MYH8: variants seen among roughly 807,000 people sequenced by gnomAD.
MYH8 encodes myosin-8.
MYH8 carries 168 observed loss-of-function variants against 233.2 expected under a neutral mutation model. That is an observed-to-expected ratio of 0.72 (90% CI 0.64 to 0.82). The LOEUF is 0.82. Ranked by LOEUF, MYH8 falls within the 40% of genes least tolerant of loss-of-function variation. The pLI, the probability that MYH8 is intolerant of heterozygous loss-of-function variation, is 0.00. For missense variants in MYH8, 1,995 were observed against 2,327.8 expected, an observed-to-expected ratio of 0.86 and a Z score of 2.94; for synonymous variants, 785 against 850.6, an observed-to-expected ratio of 0.92 and a Z score of 1.34.
intron 22 of MYH8, among the ~76,000 whole-genome samples, chr17:10,402,047 G>T (rs1459287584): frequency 6.6e-6 from 1 of 152,092 alleles, no homozygotes; most frequent in East Asian, 1.9e-4. Context: ...GTAGAAGAGT[G>T]GAAAGACCTC....
At position 10,395,118 on chromosome 17, in the gene MYH8, T is replaced by C; in HGVS notation, c.4962+15A>G. 1.2e-6 allele frequency: 2 copies of C among 1,612,594 alleles called. No individual in the cohort carries two copies. Among genetic ancestry groups the C allele is most frequent in the Non-Finnish European group, 1.7e-6 (2 of 1,179,968 alleles). On this transcript the variant is annotated intron_variant, in intron 34 of 39. Transcript: ENST00000403437. ...TTCCCTGCTTCATCTGGGAGGCGAA[T>C]GTGGACCCGTTTACCTTCAGGATTC...
At chr17:10,408,578 T>G (rs187248784) in intron 17 of MYH8, among the ~76,000 whole-genome samples, 127 of 152,340 alleles carry the variant, frequency 8.3e-4, no homozygotes, top group Non-Finnish European at 1.5e-3. Context: ...ATTATTATTC[T>G]TTAATCTCAA....
At chr17:10,401,879 C>G (rs1321554317) in intron 22 of MYH8, 94 bp from the exon 23 acceptor site, 1 of 1,514,738 alleles carries the variant, frequency 6.6e-7, no homozygotes, top group African/African-American at 1.4e-5. Context: ...TTATTGAATT[C>G]TGTTGAATTT....
At position 10,409,302 on chromosome 17, in the gene MYH8, G is replaced by T. The variant is rs541931160; in HGVS notation, c.1874C>A (p.Ser625Tyr). Reference protein sequence around the residue: ...SAMKTLASLFSTYASAEADSS... With the variant: ...SAMKTLASLFYTYASAEADSS... The stretch of plus-strand genomic sequence containing the variant: ...ACCTGCTTCAGCACTAGCATACGTG[G>T]AAAAGAGACTGGCTAGAGTCTTCAT... Residue 625 changes from serine (S) to tyrosine (Y), a missense_variant, in exon 16 of 40, where the codon TCC becomes TAC. By Grantham distance (144) the Ser-to-Tyr change is moderately radical (BLOSUM62 -2). This residue lies in a region of MYH8 where 1,498 missense variants were observed against 1,680.9 expected (regional missense o/e 0.89). Transcript: ENST00000403437. 6.2e-7 allele frequency: 1 copy of T among 1,614,116 alleles called. No homozygotes were observed. Among genetic ancestry groups the T allele is most frequent in the African/African-American group, 1.3e-5 (1 of 74,938 alleles).
intron 21 of MYH8, 73 bp downstream of exon 21, chr17:10,405,968 A>G: frequency 1.3e-6 from 2 of 1,568,542 alleles, no homozygotes; most frequent in Non-Finnish European, 1.7e-6. Flanking sequence ...AAATGAAAGA[A>G]TTAATGAATG....
intron 19 of MYH8, 104 bp downstream of exon 19, chr17:10,406,586 C>T (rs2072195939): frequency 2.2e-6 from 3 of 1,342,396 alleles, no homozygotes; most frequent in Non-Finnish European, 3.2e-6. Context: ...ATCCTTCTAA[C>T]CTGTTGTATT....
At chr17:10,402,930 G>T (rs1597400192) in intron 22 of MYH8, among the ~76,000 whole-genome samples, 2 of 152,122 alleles carry the variant, frequency 1.3e-5, no homozygotes, top group Admixed American at 1.3e-4. Context: ...CATTGACTAG[G>T]CTAGAGGTTC....
intron 15 of MYH8, among the ~76,000 whole-genome samples, chr17:10,410,264 C>G (rs990037376): frequency 1.3e-5 from 2 of 152,156 alleles, no homozygotes; most frequent in Non-Finnish European, 2.9e-5. Flanking sequence ...GATTGCACCA[C>G]TGCACTTCAG....
rs751281629 is a variant in MYH8 at position 10,394,264 on chromosome 17, C to T, written c.5151G>A (p.Gln1717=). The change falls in exon 35 of 40, where the codon CAG becomes CAA. Residue 1717 remains glutamine, a synonymous_variant. Coordinates refer to ENST00000403437, the MANE Select transcript of MYH8 (RefSeq NM_002472.3). ...AGGGTCTCACCTGGGTGTGGAGGAG[C>T]TGGACACGCTCACTGGCATCCAGGA... ...QELLDASERV[Q]LLHTQNTSLI... is the part of the protein sequence containing the mutation. 24 of 1,613,910 alleles carry T rather than the reference C, an allele frequency of 1.5e-5. No individual in the cohort carries two copies. In the South Asian group the frequency reaches 2.3e-4, roughly 16 times the overall value.
At chr17:10,401,919 G>A (rs1024259771) in intron 22 of MYH8, 134 bp from the exon 23 acceptor site, 13 of 1,272,926 alleles carry the variant, frequency 1.0e-5, no homozygotes, top group African/African-American at 4.5e-5. Flanking sequence ...TAATTTAATC[G>A]AACATTATTA....
Position 10,410,848 on chromosome 17 carries a change from T to A in MYH8, c.1516A>T (p.Lys506Ter), listed in dbSNP as rs1173798999. The A allele has an allele frequency of 6.2e-7, 1 of 1,613,874 alleles. No individual in the cohort carries two copies. Among genetic ancestry groups the A allele is most frequent in the East Asian group, 2.2e-5 (1 of 44,892 alleles). ...MFVLEQEEYK[K>*]EGIEWTFIDF... ...ATGAACGTCCACTCGATGCCTTCCT[T>A]CTTGTACTCCTCCTGCTCTAGCACA... The change falls in exon 15 of 40, where the codon AAG (lysine) becomes TAG (stop). Residue 506 changes from lysine to a stop codon, truncating the protein, a stop_gained. Coordinates refer to ENST00000403437, the MANE Select transcript of MYH8 (RefSeq NM_002472.3). LOFTEE classifies it high-confidence loss of function.
Position 10,401,858 on chromosome 17 carries a change from A to G in MYH8, c.2689-73T>C, listed in dbSNP as rs557523812. 1.7e-4 allele frequency: 262 copies of G among 1,586,662 alleles called. No homozygotes were observed. The African/African-American group carries it at 3.0e-3, about 18-fold the overall frequency. On this transcript the variant is annotated intron_variant, in intron 22 of 39. Coordinates refer to ENST00000403437, the MANE Select transcript of MYH8 (RefSeq NM_002472.3). ...AACTTGGTGTTTTTTTTGCGCAAAAATAATAGTGTTTTATTGAATTCTGTT... is the reference window on the plus strand; with the variant it reads ...AACTTGGTGTTTTTTTTGCGCAAAAGTAATAGTGTTTTATTGAATTCTGTT...
Position 10,406,973 on chromosome 17 carries a change from A to G in MYH8, c.1972T>C (p.Leu658=), listed in dbSNP as rs772097051. ...CTCAGATTCGTCATCAATTTATTTA[A>G]ATTTTCCTAGAAAACCAGACAGAAA... ...QTVSALFREN[L]NKLMTNLRST... The change falls in exon 18 of 40, where the codon TTA becomes CTA. Residue 658 remains leucine, a synonymous_variant. Transcript: ENST00000403437. 2 of 1,613,594 alleles carry G rather than the reference A, an allele frequency of 1.2e-6. No homozygotes were observed. Among genetic ancestry groups the G allele is most frequent in the South Asian group, 2.2e-5 (2 of 91,062 alleles).
chr17:10,391,091 G>A (rs1597395894), intron 39 of MYH8, among the ~76,000 whole-genome samples: 1 of 152,170 alleles, frequency 6.6e-6, no homozygotes, highest in Admixed American at 6.5e-5. Context: ...GTCTGGAAGA[G>A]TGGAGGGATA....
At chr17:10,402,589 C>G (rs2072153271) in intron 22 of MYH8, among the ~76,000 whole-genome samples, 1 of 151,794 alleles carries the variant, frequency 6.6e-6, no homozygotes, top group Non-Finnish European at 1.5e-5. Context: ...TTTTTTCTCT[C>G]TCTAAACACA....
chr17:10,397,642 A>G (rs550264909), intron 30 of MYH8, among the ~76,000 whole-genome samples: 1 of 152,334 alleles, frequency 6.6e-6, no homozygotes, highest in African/African-American at 2.4e-5. Flanking sequence ...ATTAGCCAGG[A>G]CAATCTTGTT....
chr17:10,418,824 C>T (rs770069320), intron 4 of MYH8, 23 bp from the exon 5 acceptor site: 1 of 1,613,862 alleles, frequency 6.2e-7, no homozygotes, highest in East Asian at 2.2e-5. Context: ...GAACATTTAT[C>T]ATTTGGATCT....
intron 34 of MYH8, among the ~76,000 whole-genome samples, chr17:10,394,859 A>G (rs1042601614): frequency 1.3e-5 from 2 of 152,218 alleles, no homozygotes; most frequent in African/African-American, 4.8e-5. Context: ...CAGCTAGTAA[A>G]TGACAAAACT....
intron 38 of MYH8, 98 bp from the exon 39 acceptor site, chr17:10,392,075 G>T: frequency 1.0e-6 from 1 of 961,602 alleles, no homozygotes; most frequent in Non-Finnish European, 1.7e-6. Flanking sequence ...AGGTGGGCCT[G>T]GGGTAAACTT....
Sources: gnomAD v4.1 joint callset for allele counts (sites outside exome capture counted in the v4.1 genomes callset) on GRCh38, gnomAD v4.1.1 for gene constraint, gnomAD v4.1.1 regional missense constraint, MANE v1.5 for transcripts, NCBI Gene and HGNC (gene_info 2026-07-23, HGNC 2026-07-21) for gene names.